Variants in PGD observed in about 807,000 individuals in gnomAD.
PGD encodes 6-phosphogluconate dehydrogenase, decarboxylating.
A neutral mutation model predicts 60.4 loss-of-function variants in PGD; 21 were observed. The ratio of observed to expected loss-of-function variants is 0.35; its 90% CI spans 0.25 to 0.50. The LOEUF is 0.50. PGD is among the 20% of genes least tolerant of loss of function. The pLI, the probability that PGD is intolerant of heterozygous loss-of-function variation, is 0.98. For synonymous variants in PGD, 230 were observed against 235.9 expected, an observed-to-expected ratio of 0.97 and a Z score of 0.23; for missense variants, 477 against 613.1, an observed-to-expected ratio of 0.78 and a Z score of 2.34.
In PGD at chr1:10,420,389, C is replaced by CTTTTTT. The variant is rs70997229; in HGVS notation, c.*659_*664dup. Reference sequence around the variant, plus strand: ...CACTGTAACGTGCTTTTTCTTTCGTCTTTTTTTTTTTTTTTTTTTTTTTTG... The same window carrying CTTTTTT: ...CACTGTAACGTGCTTTTTCTTTCGTCTTTTTTTTTTTTTTTTTTTTTTTTTTTTTTG... On this transcript the variant is annotated 3_prime_UTR_variant, in exon 13 of 13. Coordinates refer to ENST00000270776, the MANE Select transcript of PGD (RefSeq NM_002631.4). 1.3e-4 allele frequency among the ~76,000 whole-genome samples: 10 copies of CTTTTTT among 75,028 alleles called. No homozygotes were observed. Among genetic ancestry groups the CTTTTTT allele is most frequent in the Admixed American group, 3.1e-4 (2 of 6,430 alleles). The allele number at this position is 75,028 out of a possible 152,430, so 49.2% of individuals were successfully genotyped here.
At chr1:10,413,279 T>G in intron 8 of PGD, 28 bp downstream of exon 8, 2 of 1,576,802 alleles carry the variant, frequency 1.3e-6, no homozygotes, top group Non-Finnish European at 1.7e-6. Context: ...ACATGGGCCC[T>G]TTCGTCCACT....
At position 10,399,084 on chromosome 1, in the gene PGD, G is replaced by A. The variant is rs755362631; in HGVS notation, c.-34G>A. 6 of 1,608,932 alleles carry A rather than the reference G, an allele frequency of 3.7e-6. No individual in the cohort carries two copies. The East Asian group carries it at 1.3e-4, about 36-fold the overall frequency. ...TCTTTCCCTCACTCGTCCTCCGCGC[G>A]TCGCCGCTCTTCGGTTCTGCTCTGT... On this transcript the variant is annotated 5_prime_UTR_variant, in exon 1 of 13. Transcript: ENST00000270776.
chr1:10,413,278 C>T lies in PGD; in HGVS notation c.844+27C>T, dbSNP rs745493490. ...TAATGTTATGCTTTTCACATGGGCCCTTTCGTCCACTATTCTGATCTTGAT... is the reference window on the plus strand; with the variant it reads ...TAATGTTATGCTTTTCACATGGGCCTTTTCGTCCACTATTCTGATCTTGAT... On this transcript the variant is annotated intron_variant, in intron 8 of 12. Transcript: ENST00000270776. 4 of 1,585,858 alleles carry T rather than the reference C, an allele frequency of 2.5e-6. No homozygotes were observed. In the East Asian group the frequency reaches 9.0e-5, roughly 35 times the overall value.
At position 10,405,823 on chromosome 1, in the gene PGD, G is replaced by C. The variant is rs917810481; in HGVS notation, c.449+1544G>C. On this transcript the variant is annotated intron_variant, in intron 5 of 12. Coordinates refer to ENST00000270776, the MANE Select transcript of PGD (RefSeq NM_002631.4). ...TGCACTCCATCATGGGTGACAGAGC[G>C]AGACTCGGTCTCAGTAAAAAAGAAA... 2.7e-5 allele frequency among the ~76,000 whole-genome samples: 4 copies of C among 147,562 alleles called. No homozygotes were observed. The East Asian group carries it at 7.9e-4, about 29-fold the overall frequency.
chr1:10,419,011 G>A lies in PGD; in HGVS notation c.1209+86G>A, dbSNP rs199724721. ...GTTTGGTTTTTTGTTTTTTTTTTTT[G>A]GTTTTTTGTTTTTTTGAGACAGAGT... On this transcript the variant is annotated intron_variant, in intron 11 of 12. Coordinates refer to ENST00000270776, the MANE Select transcript of PGD (RefSeq NM_002631.4). 5.2e-6 allele frequency: 4 copies of A among 773,612 alleles called. No individual in the cohort carries two copies. In the South Asian group the frequency reaches 6.2e-5, roughly 12 times the overall value. 47.9% of individuals were successfully genotyped at this position (773,612 alleles called of 1,614,324 possible).
At position 10,416,989 on chromosome 1, in the gene PGD, G is replaced by A. The variant is rs778178889; in HGVS notation, c.847G>A (p.Glu283Lys). Residue 283 changes from glutamate (E) to lysine (K), a missense_variant and splice_region_variant, in exon 9 of 13, where the codon GAA (glutamate) becomes AAA (lysine). Transcript: ENST00000270776. Reference protein sequence around the residue: ...EYGVPVTLIGEAVFARCLSSL... With the variant: ...EYGVPVTLIGKAVFARCLSSL... The stretch of plus-strand genomic sequence containing the variant: ...CTCTTCCCGATCTCCCCATGTAGGA[G>A]AAGCTGTCTTTGCTCGGTGCTTATC... 6.2e-7 allele frequency: 1 copy of A among 1,613,298 alleles called. No homozygotes were observed. Among genetic ancestry groups the A allele is most frequent in the African/African-American group, 1.3e-5 (1 of 74,912 alleles).
Position 10,408,071 on chromosome 1 carries a change from GCCCCACAT to G in PGD, c.452_459del (p.Pro151GlnfsTer19). On this transcript the variant is annotated frameshift_variant and splice_region_variant, in exon 6 of 13. Transcript: ENST00000270776. LOFTEE classifies it high-confidence loss of function. ...TGAACCACACTGTTTCTTTACACAGGCCCCACATCAAGACCATCTTCCAAGGCATTGCT... is the reference window on the plus strand; with the variant it reads ...TGAACCACACTGTTTCTTTACACAGGCAAGACCATCTTCCAAGGCATTGCT... The G allele has an allele frequency of 6.3e-7, 1 of 1,592,548 alleles. No individual in the cohort carries two copies.
In PGD at chr1:10,420,386, C is replaced by A. The variant is rs948999382; in HGVS notation, c.*637C>A. On this transcript the variant is annotated 3_prime_UTR_variant, in exon 13 of 13. Coordinates refer to ENST00000270776, the MANE Select transcript of PGD (RefSeq NM_002631.4). ...GTTCACTGTAACGTGCTTTTTCTTT[C>A]GTCTTTTTTTTTTTTTTTTTTTTTT... Among the ~76,000 whole-genome samples the A allele has an allele frequency of 3.2e-4, 32 of 98,690 alleles. 1 individual carries two copies. The highest frequency in any genetic ancestry group is 1.2e-3 in the African/African-American group (31 of 25,644). 64.7% of individuals were successfully genotyped at this position (98,690 alleles called of 152,430 possible). A position where few individuals can be genotyped will look rare whatever the true frequency, so the allele number is the denominator to read the frequency against.
chr1:10,413,829 T>TG (rs1487950669), intron 8 of PGD, among the ~76,000 whole-genome samples: 2 of 151,510 alleles, frequency 1.3e-5, no homozygotes, highest in African/African-American at 4.9e-5. Flanking sequence ...TGCTTGAACC[T>TG]GGGAGGCAGA....
chr1:10,399,877 G>T lies in PGD; in HGVS notation c.84+173G>T, dbSNP rs557972748. On this transcript the variant is annotated intron_variant, in intron 2 of 12. Coordinates refer to ENST00000270776, the MANE Select transcript of PGD (RefSeq NM_002631.4). The stretch of plus-strand genomic sequence containing the variant: ...AGCACCCTGTAGGCGTGGGCGGGCC[G>T]ATCCCGAACTTAGTCCTGCGGAGTG... 6.4e-5 allele frequency: 40 copies of T among 627,628 alleles called. No homozygotes were observed. The African/African-American group carries it at 6.9e-4, about 11-fold the overall frequency. 38.9% of individuals were successfully genotyped at this position (627,628 alleles called of 1,614,324 possible). A position where few individuals can be genotyped will look rare whatever the true frequency, so the allele number is the denominator to read the frequency against.
chr1:10,399,199 CGT>C (rs1639265713), intron 1 of PGD, 74 bp downstream of exon 1: 16 of 1,541,956 alleles, frequency 1.0e-5, no homozygotes, highest in Non-Finnish European at 1.3e-5. Context: ...AGATCTCCCT[CGT>C]TCTCTCCGAC....
chr1:10,399,623 C>G lies in PGD; in HGVS notation c.9-6C>G, dbSNP rs780142166. On this transcript the variant is annotated splice_region_variant and splice_polypyrimidine_tract_variant and intron_variant, in intron 1 of 12. Transcript: ENST00000270776. ...TCTTTCCTTTGTTCTGTTTCTGCCT[C>G]TCTAGAGCTGACATCGCGCTGATCG... The G allele has an allele frequency of 3.1e-6, 5 of 1,613,210 alleles. No homozygotes were observed. Among genetic ancestry groups the G allele is most frequent in the Non-Finnish European group, 4.2e-6 (5 of 1,179,620 alleles).
At chr1:10,400,943 T>C (rs902577160) in intron 3 of PGD, among the ~76,000 whole-genome samples, 2 of 152,126 alleles carry the variant, frequency 1.3e-5, no homozygotes, top group Non-Finnish European at 2.9e-5. Context: ...AATTAAAAAA[T>C]TAGCTGGGTA....
intron 5 of PGD, among the ~76,000 whole-genome samples, chr1:10,405,358 A>G (rs1169024694): frequency 6.6e-6 from 1 of 151,546 alleles, no homozygotes; most frequent in East Asian, 2.0e-4. Context: ...CGACAGAGTG[A>G]GAGTTTGTTT....
chr1:10,413,140 A>G lies in PGD; in HGVS notation c.733A>G (p.Thr245Ala). ...AGCCAATATTCTCAAGTTCCAAGAC[A>G]CCGATGGCAAACACCTGCTGCCAAA... Reference protein sequence around the residue: ...ITANILKFQDTDGKHLLPKIR... With the variant: ...ITANILKFQDADGKHLLPKIR... The change falls in exon 8 of 13, where the codon ACC becomes GCC. Residue 245 changes from threonine (T) to alanine (A), a missense_variant. Coordinates refer to ENST00000270776, the MANE Select transcript of PGD (RefSeq NM_002631.4). 2 of 1,614,178 alleles carry G rather than the reference A, an allele frequency of 1.2e-6. No homozygotes were observed. The highest frequency in any genetic ancestry group is 1.7e-6 in the Non-Finnish European group (2 of 1,180,010).
intron 4 of PGD, among the ~76,000 whole-genome samples, chr1:10,403,801 T>C (rs1639354951): frequency 6.6e-6 from 1 of 152,206 alleles, no homozygotes; most frequent in Admixed American, 6.5e-5. Flanking sequence ...CTGTGTGCTC[T>C]GAAGTGCTGA....
chr1:10,399,727 C>T (rs369040644), intron 2 of PGD, 23 bp downstream of exon 2: 30 of 1,608,062 alleles, frequency 1.9e-5, no homozygotes, highest in Non-Finnish European at 2.5e-5. Flanking sequence ...GGCGCGTTGT[C>T]TTCTCTCTGG....
At chr1:10,417,948 G>T (rs1639624689) in intron 10 of PGD, among the ~76,000 whole-genome samples, 1 of 152,186 alleles carries the variant, frequency 6.6e-6, no homozygotes, top group Non-Finnish European at 1.5e-5. Context: ...CTTGCCTTGG[G>T]TGATCTGCCC....
chr1:10,403,201 C>T (rs1048346808), intron 4 of PGD, 65 bp downstream of exon 4: 10 of 1,108,144 alleles, frequency 9.0e-6, no homozygotes, highest in Middle Eastern at 1.9e-4. Flanking sequence ...GTGTCAGCAT[C>T]GCATATGTGA....
Sources: allele counts gnomAD v4.1 joint callset (sites outside exome capture counted in the v4.1 genomes callset), GRCh38; gene constraint gnomAD v4.1.1; transcripts MANE v1.5; gene names NCBI Gene and HGNC (gene_info 2026-07-23, HGNC 2026-07-21).